The following RNASEH2B variants were observed in gnomAD, a reference collection of about 807,000 sequenced individuals.
RNASEH2B encodes ribonuclease H2 subunit B, also known as Aicardi-Goutieres syndrome 2 protein.
A neutral mutation model predicts 45.0 loss-of-function variants in RNASEH2B; 36 were observed. That is an observed-to-expected ratio of 0.80 (90% confidence interval 0.61 to 1.06). RNASEH2B has a LOEUF of 1.06. Ranked by LOEUF, RNASEH2B falls within the 50% of genes least tolerant of loss-of-function variation. The pLI, the probability that RNASEH2B is intolerant of heterozygous loss-of-function variation, is 0.00. For synonymous variants in RNASEH2B, 119 were observed against 125.7 expected (o/e 0.95, Z 0.35); for missense variants, 361 against 360.3 (o/e 1.00, Z -0.02).
chr13:50,948,581 T>C (rs1566088658), intron 8 of RNASEH2B: 1 of 153,706 alleles, frequency 6.5e-6, no homozygotes, highest in African/African-American at 2.4e-5. Context: ...GTTTAATGTA[T>C]GTTCCTTTCT....
chr13:50,917,049 C>T (rs1035724420), intron 1 of RNASEH2B, among the ~76,000 whole-genome samples: 5 of 152,180 alleles, frequency 3.3e-5, no homozygotes, highest in Admixed American at 3.3e-4. Context: ...GGAGGGGTCT[C>T]TCCTCTTAGT....
intron 1 of RNASEH2B, among the ~76,000 whole-genome samples, chr13:50,915,673 T>C (rs1346989788): frequency 6.6e-6 from 1 of 152,242 alleles, no homozygotes; most frequent in African/African-American, 2.4e-5. Flanking sequence ...CTCCAAACAG[T>C]AGAGCATGTC....
chr13:50,958,908 G>A (rs1299215692), downstream of RNASEH2B, among the ~76,000 whole-genome samples: 1 of 151,994 alleles, frequency 6.6e-6, no homozygotes, highest in South Asian at 2.1e-4. Flanking sequence ...ATATATTTAT[G>A]GGAATATATT....
At chr13:50,934,824 C>G (rs568672395) in intron 4 of RNASEH2B, 61 bp from the exon 5 acceptor site, 1 of 1,202,834 alleles carries the variant, frequency 8.3e-7, no homozygotes, top group African/African-American at 1.5e-5. Flanking sequence ...GTCTTTTTCT[C>G]TTTTTTTCTG....
chr13:50,914,524 C>T (rs763393752), intron 1 of RNASEH2B, among the ~76,000 whole-genome samples: 3 of 152,066 alleles, frequency 2.0e-5, no homozygotes, highest in Non-Finnish European at 4.4e-5. Context: ...CAGCATAGAG[C>T]GTGTTTAACA....
downstream of RNASEH2B, chr13:50,960,147 A>G: frequency 1.7e-6 from 2 of 1,145,176 alleles, no homozygotes; most frequent in South Asian, 4.5e-5. Context: ...TTTTCCAGCT[A>G]GGTCTACCAA....
At chr13:50,928,387 T>C (rs976112139) in intron 2 of RNASEH2B, 5 of 152,238 alleles carry the variant, frequency 3.3e-5, no homozygotes, top group African/African-American at 1.2e-4. Context: ...AAATTGACTG[T>C]AATTGGTCAG....
At chr13:50,934,053 A>G (rs1461382171) in intron 4 of RNASEH2B, 4 of 152,238 alleles carry the variant, frequency 2.6e-5, no homozygotes, top group African/African-American at 7.2e-5. Flanking sequence ...AGTTGTCAGT[A>G]CACGAGAGGT....
At chr13:50,913,774 G>A (rs1226864695) in intron 1 of RNASEH2B, among the ~76,000 whole-genome samples, 4 of 152,156 alleles carry the variant, frequency 2.6e-5, no homozygotes, top group African/African-American at 9.7e-5. Context: ...GTTGCTTTTT[G>A]GGAGATAAGA....
At chr13:50,921,426 T>C (rs1330257104) in intron 1 of RNASEH2B, 2 of 152,226 alleles carry the variant, frequency 1.3e-5, no homozygotes, top group Non-Finnish European at 2.9e-5. Flanking sequence ...CTCTAATTAA[T>C]TTAGCTATTC....
intron 3 of RNASEH2B, among the ~76,000 whole-genome samples, chr13:50,930,471 A>T (rs956070255): frequency 6.6e-6 from 1 of 152,194 alleles, no homozygotes; most frequent in African/African-American, 2.4e-5. Flanking sequence ...CTCTCCACAC[A>T]GGGATTTGAA....
chr13:50,968,923 A>C (rs984092005), intron 9 of RNASEH2B, among the ~76,000 whole-genome samples: 1 of 152,232 alleles, frequency 6.6e-6, no homozygotes, highest in African/African-American at 2.4e-5. Flanking sequence ...CATGGACTTT[A>C]AAATAATTGT....
At chr13:50,957,660 G>C (rs899119411), downstream of RNASEH2B, among the ~76,000 whole-genome samples, 6 of 152,162 alleles carry the variant, frequency 3.9e-5, no homozygotes, top group African/African-American at 1.4e-4. Flanking sequence ...TGGTAGTTCT[G>C]TTTTTAGTTC....
chr13:50,916,159 C>G (rs1407552649), intron 1 of RNASEH2B, among the ~76,000 whole-genome samples: 1 of 151,986 alleles, frequency 6.6e-6, no homozygotes, highest in East Asian at 1.9e-4. Context: ...GGAGATATTT[C>G]TTTCCAGTTT....
exon 10 of RNASEH2B, chr13:50,970,030 G>A: frequency 6.7e-7 from 1 of 1,488,954 alleles, no homozygotes; most frequent in Non-Finnish European, 9.2e-7. Flanking sequence ...AGAGGACTCG[G>A]ACTTTTTCTT....
intron 10 of RNASEH2B, chr13:50,956,103 G>T: frequency 2.4e-6 from 1 of 416,912 alleles, no homozygotes; most frequent in South Asian, 2.4e-5. Context: ...CCCCTCCCCA[G>T]TGTAAACCAT....
At chr13:50,930,030 C>G (rs1297098147) in intron 3 of RNASEH2B, 7 of 244,216 alleles carry the variant, frequency 2.9e-5, no homozygotes, top group Non-Finnish European at 4.8e-5. Context: ...CCTGCTCCCC[C>G]ACCCCCATAC....
At chr13:50,924,466 C>G (rs1290993879) in intron 1 of RNASEH2B, among the ~76,000 whole-genome samples, 1 of 152,116 alleles carries the variant, frequency 6.6e-6, no homozygotes, top group African/African-American at 2.4e-5. Flanking sequence ...GGGAAGATAT[C>G]ATAATTATAA....
intron 1 of RNASEH2B, among the ~76,000 whole-genome samples, chr13:50,914,655 G>A (rs1470196654): frequency 6.6e-6 from 1 of 152,232 alleles, no homozygotes; most frequent in Admixed American, 6.5e-5. Context: ...AGCACGTTCT[G>A]AAGTGGATGG....
Sources: gnomAD v4.1 joint callset for allele counts (sites outside exome capture counted in the v4.1 genomes callset) on GRCh38, gnomAD v4.1.1 for gene constraint, MANE v1.5 for transcripts, NCBI Gene and HGNC (gene_info 2026-07-23, HGNC 2026-07-21) for gene names.